Variants in NCAM2 observed in about 807,000 individuals in gnomAD.
NCAM2 encodes N-CAM-2.
NCAM2 carries 30 observed loss-of-function variants against 98.1 expected under a neutral mutation model. The observed-to-expected ratio is 0.31, with a 90% CI of 0.23 to 0.41. The LOEUF is 0.41. Among genes scored for constraint, NCAM2 ranks in the 10% least tolerant of loss-of-function variants. NCAM2 has a pLI of 1.00. For synonymous variants in NCAM2, 368 were observed against 342.4 expected (o/e 1.07, Z -0.83); for missense variants, 867 against 1,005.8 (o/e 0.86, Z 1.87).
At chr21:21,234,456 A>G (rs1434098997) in intron 1 of NCAM2, among the ~76,000 whole-genome samples, 1 of 151,980 alleles carries the variant, frequency 6.6e-6, no homozygotes, top group East Asian at 1.9e-4. Context: ...ATTAAATGGA[A>G]ATATGCATAG....
At chr21:21,337,470 A>G (rs1343185007) in intron 7 of NCAM2, among the ~76,000 whole-genome samples, 3 of 152,044 alleles carry the variant, frequency 2.0e-5, no homozygotes, top group East Asian at 1.9e-4. Flanking sequence ...TGTTTTTCTG[A>G]TACCAAGAAT....
chr21:21,049,013 A>ATTTTTT (rs61325994), intron 1 of NCAM2, among the ~76,000 whole-genome samples: 1 of 133,482 alleles, frequency 7.5e-6, no homozygotes, highest in African/African-American at 2.8e-5. Flanking sequence ...TTTACTATTA[A>ATTTTTT]TTTTTTTTTT....
chr21:21,352,396 A>G (rs538678245), intron 8 of NCAM2, among the ~76,000 whole-genome samples: 1 of 152,222 alleles, frequency 6.6e-6, no homozygotes, highest in East Asian at 1.9e-4. Context: ...GGCTGGGATT[A>G]CAGACATGAG....
chr21:21,021,497 T>G (rs1489526890), intron 1 of NCAM2, among the ~76,000 whole-genome samples: 1 of 152,130 alleles, frequency 6.6e-6, no homozygotes, highest in Non-Finnish European at 1.5e-5. Flanking sequence ...TACATAGACA[T>G]GTAAGAATGA....
chr21:21,465,977 A>T (rs1033324002), intron 12 of NCAM2, among the ~76,000 whole-genome samples: 2 of 152,070 alleles, frequency 1.3e-5, no homozygotes, highest in African/African-American at 4.8e-5. Context: ...GTGCCTTTTC[A>T]TATTCTTCCT....
intron 1 of NCAM2, chr21:21,147,158 T>A: frequency 1.0e-6 from 1 of 958,754 alleles, no homozygotes; most frequent in Non-Finnish European, 1.2e-6. Context: ...TCGCGCCCTG[T>A]CCCACACCGG....
At chr21:21,408,645 C>G (rs2076791808) in intron 9 of NCAM2, among the ~76,000 whole-genome samples, 1 of 152,006 alleles carries the variant, frequency 6.6e-6, no homozygotes, top group South Asian at 2.1e-4. Flanking sequence ...TAAAATAGCC[C>G]TATATTGATA....
chr21:21,093,815 A>G (rs538311280), intron 1 of NCAM2, among the ~76,000 whole-genome samples: 1 of 152,152 alleles, frequency 6.6e-6, no homozygotes, highest in African/African-American at 2.4e-5. Context: ...ATTGGAGTCT[A>G]GGCTCTAAAT....
At chr21:21,299,356 C>T (rs548113231) in intron 5 of NCAM2, among the ~76,000 whole-genome samples, 96 of 149,732 alleles carry the variant, frequency 6.4e-4, no homozygotes, top group African/African-American at 1.9e-3. Context: ...CATAGGTATT[C>T]GGAGAATGTC....
intron 1 of NCAM2, among the ~76,000 whole-genome samples, chr21:21,072,793 T>G (rs2065599713): frequency 6.6e-6 from 1 of 152,134 alleles, no homozygotes; most frequent in Admixed American, 6.5e-5. Context: ...TTTTAAAGAT[T>G]TATTTATAAC....
chr21:21,042,584 A>T (rs567586738), intron 1 of NCAM2, among the ~76,000 whole-genome samples: 16 of 152,308 alleles, frequency 1.1e-4, no homozygotes, highest in African/African-American at 3.4e-4. Flanking sequence ...TTCTTTTCAG[A>T]TATCTTAAAT....
chr21:21,326,890 T>C (rs1365916983), intron 6 of NCAM2, among the ~76,000 whole-genome samples: 2 of 152,020 alleles, frequency 1.3e-5, no homozygotes, highest in East Asian at 3.9e-4. Flanking sequence ...AGACATGTCA[T>C]GTTTGTGGAA....
intron 5 of NCAM2, among the ~76,000 whole-genome samples, chr21:21,320,492 G>T (rs1464948240): frequency 6.6e-6 from 1 of 152,070 alleles, no homozygotes; most frequent in Non-Finnish European, 1.5e-5. Flanking sequence ...GGAGGACTAT[G>T]ACAATTAACC....
chr21:21,302,354 A>G (rs1017164102), intron 5 of NCAM2, among the ~76,000 whole-genome samples: 1 of 152,074 alleles, frequency 6.6e-6, no homozygotes, highest in African/African-American at 2.4e-5. Flanking sequence ...TTATCCCAGC[A>G]CTATTTAATG....
At chr21:21,026,608 C>G (rs1017568886) in intron 1 of NCAM2, among the ~76,000 whole-genome samples, 2 of 148,886 alleles carry the variant, frequency 1.3e-5, no homozygotes, top group Non-Finnish European at 3.0e-5. Context: ...CTGGGCAATA[C>G]GAGTGAAACT....
At chr21:21,441,615 A>G (rs1310725327) in intron 12 of NCAM2, among the ~76,000 whole-genome samples, 1 of 152,168 alleles carries the variant, frequency 6.6e-6, no homozygotes, top group Non-Finnish European at 1.5e-5. Flanking sequence ...AAAGGGAAGA[A>G]GAGAGGGATT....
At chr21:21,158,583 G>A (rs919085754) in intron 1 of NCAM2, among the ~76,000 whole-genome samples, 1 of 145,404 alleles carries the variant, frequency 6.9e-6, no homozygotes, top group Admixed American at 7.0e-5. Flanking sequence ...CCAGCCTGGC[G>A]ACAGAGTGAG....
At chr21:21,355,528 GGGAGGGAGGGAGAGAGGGAGGGAC>G (rs1278892396) in intron 8 of NCAM2, among the ~76,000 whole-genome samples, 3 of 97,878 alleles carry the variant, frequency 3.1e-5, no homozygotes, top group Non-Finnish European at 7.5e-5. Context: ...AGAGGGAGGA[GGGAGGGAGGGAGAGAGGGAGGGAC>G]GGAGGAAAGA....
At chr21:21,495,529 G>A (rs1003751951) in intron 15 of NCAM2, among the ~76,000 whole-genome samples, 2 of 151,966 alleles carry the variant, frequency 1.3e-5, no homozygotes, top group African/African-American at 2.4e-5. Context: ...TTTGGAAAAT[G>A]ATCACAATTT....
Sources: allele counts gnomAD v4.1 joint callset (sites outside exome capture counted in the v4.1 genomes callset), GRCh38; gene constraint gnomAD v4.1.1; transcripts MANE v1.5; gene names NCBI Gene and HGNC (gene_info 2026-07-23, HGNC 2026-07-21).